NSD3: variants seen among roughly 807,000 people sequenced by gnomAD.
NSD3 encodes histone-lysine N-methyltransferase NSD3.
In NSD3, 24 loss-of-function variants were observed where a neutral mutation model predicts 160.8. That is an observed-to-expected ratio of 0.15 (90% CI 0.11 to 0.21). NSD3 has a LOEUF of 0.21. Among genes scored for constraint, NSD3 ranks in the 10% least tolerant of loss-of-function variants. The probability of loss-of-function intolerance (pLI) is 1.00; values close to 1 mark genes in which losing one functional copy is unlikely to be tolerated. For synonymous variants in NSD3, 520 were observed against 600.0 expected, an observed-to-expected ratio of 0.87 and a Z score of 1.95; for missense variants, 1,157 against 1,735.9, an observed-to-expected ratio of 0.67 and a Z score of 5.93.
chr8:38,309,254 G>A (rs1286229917), intron 12 of NSD3, among the ~76,000 whole-genome samples: 1 of 152,114 alleles, frequency 6.6e-6, no homozygotes, highest in Non-Finnish European at 1.5e-5. Flanking sequence ...GATCACTTGA[G>A]GTCAGGAGTT....
chr8:38,326,791 G>A lies in NSD3; in HGVS notation c.1647C>T (p.Asn549=). 1 of 1,613,952 alleles carries A rather than the reference G, an allele frequency of 6.2e-7. No homozygotes were observed. Among genetic ancestry groups the A allele is most frequent in the Non-Finnish European group, 8.5e-7 (1 of 1,179,968 alleles). The change falls in exon 7 of 24, where the codon AAC becomes AAT. Residue 549 remains asparagine, a synonymous_variant. Transcript: ENST00000317025. ...GQDRLIISTP[N]QRNEKPTQSV... Reference sequence around the variant, plus strand: ...TCTGCGTTGGCTTTTCATTTCTCTGGTTTGGTGTAGAAATTATAAGCCTGT... The same window carrying A: ...TCTGCGTTGGCTTTTCATTTCTCTGATTTGGTGTAGAAATTATAAGCCTGT...
chr8:38,374,284 T>TA (rs930205569), intron 1 of NSD3, among the ~76,000 whole-genome samples: 3 of 150,816 alleles, frequency 2.0e-5, no homozygotes, highest in East Asian at 1.9e-4. Flanking sequence ...TCTCTAAAAA[T>TA]AAAAAAAATA....
Position 38,318,879 on chromosome 8 carries a change from TATA to T in NSD3, c.1855+13_1855+15del. On this transcript the variant is annotated intron_variant, in intron 9 of 23. Coordinates refer to ENST00000317025, the MANE Select transcript of NSD3 (RefSeq NM_023034.2). This position sits in a 1 kb window ranked among gnomAD's most constrained non-coding sequence, Gnocchi z 5.3. ...TAATCAAGGAAATGCAAAGCAACAT[TATA>T]ATATTAACTCACCTTTCTGTAATCC... is the stretch of plus-strand genomic sequence containing the variant. The T allele has an allele frequency of 6.2e-7, 1 of 1,606,458 alleles. No individual in the cohort carries two copies. Among genetic ancestry groups the T allele is most frequent in the Admixed American group, 1.7e-5 (1 of 57,742 alleles).
chr8:38,306,801 TAAC>T (rs1585871970), intron 12 of NSD3, among the ~76,000 whole-genome samples: 1 of 152,150 alleles, frequency 6.6e-6, no homozygotes, highest in East Asian at 1.9e-4. Context: ...AGGTAAATGC[TAAC>T]TGAAACCAGT....
intron 1 of NSD3, among the ~76,000 whole-genome samples, chr8:38,349,695 A>ATT (rs1563364561): frequency 7.3e-6 from 1 of 136,462 alleles, no homozygotes; most frequent in African/African-American, 2.7e-5. Context: ...ATATATATGT[A>ATT]TTTATTATAC....
At position 38,270,088 on chromosome 8, in the gene NSD3, T is replaced by C. The variant is rs1176217647; in HGVS notation, c.*5553A>G. 6.6e-6 allele frequency: 1 copy of C among 152,214 alleles called. No homozygotes were observed. Among genetic ancestry groups the C allele is most frequent in the Non-Finnish European group, 1.5e-5 (1 of 68,030 alleles). The allele number at this position is 152,214 out of a possible 1,614,324, so 9.4% of individuals were successfully genotyped here. On this transcript the variant is annotated 3_prime_UTR_variant, in exon 24 of 24. Transcript: ENST00000317025. ...TCTATGTGGCAACATCAAGTCATTA[T>C]ACAGTAATGCCCTAGTGGAACACCC... is the stretch of plus-strand genomic sequence containing the variant.
rs1251610211 is a variant in NSD3 at position 38,314,511 on chromosome 8, T to C, written c.2242+136A>G. On this transcript the variant is annotated intron_variant, in intron 12 of 23. Coordinates refer to ENST00000317025, the MANE Select transcript of NSD3 (RefSeq NM_023034.2). ...AATCTTGAAGCCAAATCTTAATTTG[T>C]TGAAATACCTTTGGGAAGAGAGGAG... 6.1e-6 allele frequency: 8 copies of C among 1,307,024 alleles called. No individual in the cohort carries two copies. In the African/African-American group the frequency reaches 1.2e-4, roughly 19 times the overall value. 81.0% of individuals were successfully genotyped at this position (1,307,024 alleles called of 1,614,324 possible). A position where few individuals can be genotyped will look rare whatever the true frequency, so the allele number is the denominator to read the frequency against.
At chr8:38,376,593 GC>G (rs2150397925) in intron 1 of NSD3, among the ~76,000 whole-genome samples, 1 of 152,126 alleles carries the variant, frequency 6.6e-6, no homozygotes, top group Non-Finnish European at 1.5e-5. Context: ...ACACCACCGG[GC>G]CCGGCTAATT....
chr8:38,322,170 T>C (rs1809807224), intron 7 of NSD3, among the ~76,000 whole-genome samples: 1 of 152,232 alleles, frequency 6.6e-6, no homozygotes. Flanking sequence ...ATTTTCTGGT[T>C]TCATTGCTCT....
Position 38,275,706 on chromosome 8 carries a change from C to T in NSD3, c.4249G>A (p.Glu1417Lys). 1 of 1,614,188 alleles carries T rather than the reference C, an allele frequency of 6.2e-7. No individual in the cohort carries two copies. Among genetic ancestry groups the T allele is most frequent in the Non-Finnish European group, 8.5e-7 (1 of 1,180,032 alleles). Residue 1417 changes from glutamate to lysine, a missense_variant, in exon 24 of 24, where the codon GAA (glutamate) becomes AAA (lysine). Around this residue, in one of 10 missense-constraint regions of NSD3, gnomAD observed 222 missense variants for 409.9 expected, o/e 0.54. Transcript: ENST00000317025. ...EHDPMAPVSP[E>K]YWSKIKCKWE... Reference sequence around the variant, plus strand: ...TTACATTTTATCTTGCTCCAGTATTCTGGTGACACAGGAGCCATGGGGTCA... The same window carrying T: ...TTACATTTTATCTTGCTCCAGTATTTTGGTGACACAGGAGCCATGGGGTCA...
intron 1 of NSD3, among the ~76,000 whole-genome samples, chr8:38,380,394 A>G (rs546850131): frequency 3.9e-5 from 6 of 152,360 alleles, no homozygotes; most frequent in African/African-American, 1.4e-4. Context: ...CACAGGCCCA[A>G]GTAAAATAAC....
At chr8:38,356,126 A>G (rs2150388047) in intron 1 of NSD3, among the ~76,000 whole-genome samples, 1 of 152,356 alleles carries the variant, frequency 6.6e-6, no homozygotes, top group South Asian at 2.1e-4. Context: ...TCTAATATGT[A>G]CTTTCAAGTA....
intron 14 of NSD3, among the ~76,000 whole-genome samples, chr8:38,301,136 C>T (rs1405917910): frequency 2.0e-5 from 3 of 152,034 alleles, no homozygotes; most frequent in East Asian, 1.9e-4. Context: ...TGCCTGGCTA[C>T]GTTTTTGATT....
At chr8:38,365,763 A>G (rs1811091488) in intron 1 of NSD3, among the ~76,000 whole-genome samples, 1 of 152,110 alleles carries the variant, frequency 6.6e-6, no homozygotes, top group Non-Finnish European at 1.5e-5. Flanking sequence ...TTATTAAAAA[A>G]CTAATGAAAC....
chr8:38,319,011 A>G lies in NSD3; in HGVS notation c.1810-71T>C. The G allele has an allele frequency of 2.2e-6, 3 of 1,338,272 alleles. No individual in the cohort carries two copies. The highest frequency in any genetic ancestry group is 3.2e-6 in the Non-Finnish European group (3 of 951,362). The allele number at this position is 1,338,272 out of a possible 1,614,324, so 82.9% of individuals were successfully genotyped here. A position where few individuals can be genotyped will look rare whatever the true frequency, so the allele number is the denominator to read the frequency against. ...TTTTAATTATTAACAGAGGGAAAAG[A>G]TACTTTCATCAATCTAAGCAATGAT... On this transcript the variant is annotated intron_variant, in intron 8 of 23. Transcript: ENST00000317025. This position sits in a 1 kb window ranked among gnomAD's most constrained non-coding sequence, Gnocchi z 4.1.
At chr8:38,365,877 T>A (rs1811093598) in intron 1 of NSD3, among the ~76,000 whole-genome samples, 1 of 152,162 alleles carries the variant, frequency 6.6e-6, no homozygotes, top group South Asian at 2.1e-4. Flanking sequence ...TTCAGAGGCT[T>A]CTGAGTTATG....
Position 38,317,351 on chromosome 8 carries a change from G to C in NSD3, c.1856-1309C>G. ...CTATCTCCTTCATTGCTGGTGTATG[G>C]ACCCAGAACACCATCACAAAATATT... On this transcript the variant is annotated intron_variant, in intron 9 of 23. Coordinates refer to ENST00000317025, the MANE Select transcript of NSD3 (RefSeq NM_023034.2). The surrounding 1 kb of genome is among the most constrained non-coding windows in gnomAD (Gnocchi z 5.3). 9.5e-7 allele frequency: 1 copy of C among 1,057,552 alleles called. No homozygotes were observed. The highest frequency in any genetic ancestry group is 1.1e-6 in the Non-Finnish European group (1 of 874,340). The allele number at this position is 1,057,552 out of a possible 1,614,324, so 65.5% of individuals were successfully genotyped here. A position where few individuals can be genotyped will look rare whatever the true frequency, so the allele number is the denominator to read the frequency against.
At chr8:38,281,361 C>T in intron 20 of NSD3, 106 bp downstream of exon 20, 1 of 542,772 alleles carries the variant, frequency 1.8e-6, no homozygotes, top group Non-Finnish European at 3.0e-6. Flanking sequence ...TCATTATGCT[C>T]TGCCTGAAGA....
chr8:38,360,601 AG>A (rs768222100), intron 1 of NSD3, among the ~76,000 whole-genome samples: 16 of 152,342 alleles, frequency 1.1e-4, no homozygotes, highest in Non-Finnish European at 2.4e-4. Context: ...AATGACAAAA[AG>A]GGCTTACAGC....
Sources: allele counts gnomAD v4.1 joint callset (sites outside exome capture counted in the v4.1 genomes callset), GRCh38; gene constraint gnomAD v4.1.1; regional missense constraint gnomAD v4.1.1; non-coding constraint Gnocchi (gnomAD v3.1); transcripts MANE v1.5; gene names NCBI Gene and HGNC (gene_info 2026-07-23, HGNC 2026-07-21).